Variants in ANKRD36C observed in about 807,000 individuals in gnomAD.
ANKRD36C encodes ankyrin repeat domain-containing protein 36C.
In ANKRD36C, 61 loss-of-function variants were observed where a neutral mutation model predicts 276.4. The ratio of observed to expected loss-of-function variants is 0.22; its 90% CI spans 0.18 to 0.27. The LOEUF (loss-of-function observed/expected upper bound fraction) is 0.27. Ranked by LOEUF, ANKRD36C falls within the 10% of genes least tolerant of loss-of-function variation. The pLI is 1.00. For synonymous variants in ANKRD36C, 483 were observed against 680.1 expected, an observed-to-expected ratio of 0.71 and a Z score of 4.51; for missense variants, 1,447 against 2,032.3, an observed-to-expected ratio of 0.71 and a Z score of 5.54.
chr2:95,921,003 T>C (rs1267293559), intron 34 of ANKRD36C, among the ~76,000 whole-genome samples: 1 of 150,582 alleles, frequency 6.6e-6, no homozygotes, highest in Non-Finnish European at 1.5e-5. Flanking sequence ...CAGTAGTTCC[T>C]GGAGCTGCCA....
At chr2:95,893,831 G>T in intron 44 of ANKRD36C, 107 bp from the exon 63 acceptor site, 5 of 1,566,920 alleles carry the variant, frequency 3.2e-6, no homozygotes, top group Non-Finnish European at 4.3e-6. Flanking sequence ...CTGTATTAGC[G>T]TAGGCTTTAA....
intron 44 of ANKRD36C, among the ~76,000 whole-genome samples, chr2:95,897,858 A>T (rs1676601346): frequency 8.1e-6 from 1 of 124,130 alleles, no homozygotes; most frequent in Admixed American, 8.3e-5. Flanking sequence ...AATTAAAAGG[A>T]TTTACACCAT....
intron 17 of ANKRD36C, among the ~76,000 whole-genome samples, chr2:95,946,183 A>G (rs1678045082): frequency 6.6e-6 from 1 of 150,952 alleles, no homozygotes; most frequent in African/African-American, 2.4e-5. Context: ...AAAAAACAAT[A>G]AAATTCCAGC....
chr2:95,962,907 T>C (rs924938124), intron 6 of ANKRD36C, among the ~76,000 whole-genome samples: 1 of 152,006 alleles, frequency 6.6e-6, no homozygotes, highest in Non-Finnish European at 1.5e-5. Context: ...AGGTGGTACA[T>C]GCTGTCACAT....
intron 18 of ANKRD36C, 49 bp downstream of exon 18, chr2:95,945,065 A>G: frequency 2.0e-6 from 3 of 1,503,672 alleles, no homozygotes; most frequent in Non-Finnish European, 2.7e-6. Flanking sequence ...AAAAGAAAGA[A>G]AAAAAAGAAT....
chr2:95,958,417 T>C (rs150964531), intron 12 of ANKRD36C, among the ~76,000 whole-genome samples, 174 bp downstream of exon 12: 2,956 of 152,170 alleles, frequency 0.019, 50 homozygotes, highest in Non-Finnish European at 0.03. Flanking sequence ...ACTCAGATCA[T>C]GGACAAAAAT....
intron 34 of ANKRD36C, 39 bp from the exon 36 acceptor site, chr2:95,919,844 C>T (rs535800812): frequency 2.0e-6 from 3 of 1,525,392 alleles, no homozygotes; most frequent in Non-Finnish European, 1.8e-6. Context: ...ATAAATAAAT[C>T]AATGAAGTAT....
chr2:95,967,765 G>A (rs1678621807), intron 6 of ANKRD36C, among the ~76,000 whole-genome samples: 1 of 151,920 alleles, frequency 6.6e-6, no homozygotes, highest in Non-Finnish European at 1.5e-5. Context: ...AAAACAGACT[G>A]GGCAACATAG....
chr2:95,948,303 T>C (rs1326358677), intron 17 of ANKRD36C, among the ~76,000 whole-genome samples: 1 of 152,188 alleles, frequency 6.6e-6, no homozygotes, highest in East Asian at 1.9e-4. Context: ...CCAGCAATTT[T>C]TTTTTCAGAT....
intron 48 of ANKRD36C, among the ~76,000 whole-genome samples, chr2:95,889,008 C>G (rs1042043211): frequency 6.6e-6 from 1 of 151,530 alleles, no homozygotes; most frequent in African/African-American, 2.4e-5. Context: ...AAGTTTCATT[C>G]AATAGCTATT....
rs180830676 is a variant in ANKRD36C at position 95,925,541 on chromosome 2, G to A, written c.1946C>T (p.Pro649Leu). ...TACCTTCCAGGCTGATTGTTTCTGA[G>A]GAGACACTGAAAAGTAAAAGAAATA... The change falls in exon 29 of 67, where the codon CCT becomes CTT. Residue 649 changes from proline to leucine, a missense_variant. Pro to Leu is a moderately conservative substitution (Grantham distance 98). This residue lies in a region of ANKRD36C where 565 missense variants were observed against 539.5 expected (regional missense o/e 1.05). Transcript: ENST00000456556. 372 of 1,548,280 alleles carry A rather than the reference G, an allele frequency of 2.4e-4. 1 individual carries two copies. The highest frequency in any genetic ancestry group is 1.4e-3 in the Middle Eastern group (6 of 4,316).
intron 48 of ANKRD36C, among the ~76,000 whole-genome samples, chr2:95,888,606 A>G (rs1676258551): frequency 6.6e-6 from 1 of 151,754 alleles, no homozygotes; most frequent in Non-Finnish European, 1.5e-5. Context: ...TTGAATGTAC[A>G]CTTTACGTCT....
In ANKRD36C at chr2:95,851,566, C is replaced by G; in HGVS notation, c.5313+128G>C. ...CGCAAGATATTTCATTAGGTATATG[C>G]AAATATTCCAAAATCTGAAAAAAAT... On this transcript the variant is annotated intron_variant, in intron 66 of 66. Transcript: ENST00000456556. 3.6e-6 allele frequency: 3 copies of G among 832,434 alleles called. No homozygotes were observed. In the South Asian group the frequency reaches 4.8e-5, roughly 13 times the overall value. 51.6% of individuals were successfully genotyped at this position (832,434 alleles called of 1,614,324 possible). A position where few individuals can be genotyped will look rare whatever the true frequency, so the allele number is the denominator to read the frequency against.
chr2:95,925,481 T>C lies in ANKRD36C; in HGVS notation c.1968+38A>G, dbSNP rs549189173. Reference sequence around the variant, plus strand: ...CATAATATATATTTCATAGGCTATGTAATAAATAATTCAAAATATAAATGA... The same window carrying C: ...CATAATATATATTTCATAGGCTATGCAATAAATAATTCAAAATATAAATGA... On this transcript the variant is annotated intron_variant, in intron 29 of 66. Coordinates refer to ENST00000456556, the Ensembl canonical transcript of ANKRD36C. 5.8e-4 allele frequency: 897 copies of C among 1,547,378 alleles called. 1 individual carries two copies. Among genetic ancestry groups the C allele is most frequent in the Middle Eastern group, 2.8e-3 (12 of 4,338 alleles).
intron 6 of ANKRD36C, among the ~76,000 whole-genome samples, chr2:95,973,520 C>T (rs964530914): frequency 6.6e-6 from 1 of 152,148 alleles, no homozygotes; most frequent in African/African-American, 2.4e-5. Context: ...ACTGTACTAT[C>T]GATCATAGAG....
chr2:95,966,809 T>G (rs1372161385), intron 6 of ANKRD36C, among the ~76,000 whole-genome samples: 2 of 152,180 alleles, frequency 1.3e-5, no homozygotes, highest in African/African-American at 2.4e-5. Context: ...TGGAGTGATT[T>G]TCCATTTGTT....
chr2:95,929,104 G>A, exon 26 of ANKRD36C: 1 of 1,603,770 alleles, frequency 6.2e-7, no homozygotes, highest in Middle Eastern at 1.7e-4. Context: ...CTTTATTTCT[G>A]TGGCTATATT....
At chr2:95,975,608 T>C (rs911554557) in intron 6 of ANKRD36C, among the ~76,000 whole-genome samples, 8 of 152,156 alleles carry the variant, frequency 5.3e-5, no homozygotes, top group Admixed American at 1.3e-4. Flanking sequence ...CTTCCTTACA[T>C]CTTATACAAA....
intron 59 of ANKRD36C, among the ~76,000 whole-genome samples, chr2:95,874,565 C>T (rs944787434): frequency 6.6e-6 from 1 of 152,178 alleles, no homozygotes; most frequent in African/African-American, 2.4e-5. Context: ...AGACCTAAAA[C>T]CATAAAAACC....
Sources: allele counts gnomAD v4.1 joint callset (sites outside exome capture counted in the v4.1 genomes callset), GRCh38; gene constraint gnomAD v4.1.1; regional missense constraint gnomAD v4.1.1; transcripts MANE v1.5; gene names NCBI Gene and HGNC (gene_info 2026-07-23, HGNC 2026-07-21).